The following ARSJ variants were observed in gnomAD, a reference collection of about 807,000 sequenced individuals.
ARSJ encodes the protein arylsulfatase family member J, also known as arylsulfatase J.
ARSJ carries 26 observed loss-of-function variants against 35.9 expected under a neutral mutation model. That is an observed-to-expected ratio of 0.72 (90% CI 0.53 to 1.00). The LOEUF is 1.00. Ranked by LOEUF, ARSJ falls within the 50% of genes least tolerant of loss-of-function variation. ARSJ has a pLI of 0.00. For missense variants in ARSJ, 667 were observed against 723.6 expected (o/e 0.92, Z 0.90); for synonymous variants, 294 against 267.6 (o/e 1.10, Z -0.96).
intron 1 of ARSJ, among the ~76,000 whole-genome samples, chr4:113,958,318 G>A (rs1455566062): frequency 1.3e-5 from 2 of 151,994 alleles, no homozygotes; most frequent in African/African-American, 4.8e-5. Context: ...TGAAAATTCA[G>A]TCGAATTAAG....
At chr4:113,930,496 C>T (rs1319377654) in intron 1 of ARSJ, among the ~76,000 whole-genome samples, 10 of 152,108 alleles carry the variant, frequency 6.6e-5, no homozygotes, top group East Asian at 1.9e-4. Context: ...ATTTTGTATC[C>T]TTCAATCCAA....
At chr4:113,944,573 T>C (rs1223740426) in intron 1 of ARSJ, among the ~76,000 whole-genome samples, 2 of 152,052 alleles carry the variant, frequency 1.3e-5, no homozygotes, top group Non-Finnish European at 2.9e-5. Flanking sequence ...AAGAGATAAC[T>C]GGGTTTCCTT....
intron 1 of ARSJ, chr4:113,906,586 G>A: frequency 3.3e-6 from 1 of 301,754 alleles, no homozygotes; most frequent in South Asian, 3.0e-5. Context: ...ATGAGTTCCA[G>A]CCTCTATGGT....
At chr4:113,943,603 T>C (rs1173835501) in intron 1 of ARSJ, 1 of 152,070 alleles carries the variant, frequency 6.6e-6, no homozygotes, top group South Asian at 2.1e-4. Flanking sequence ...CAGGTAGTGA[T>C]AACTGCTATG....
At chr4:113,919,825 C>A (rs1315301166) in intron 1 of ARSJ, among the ~76,000 whole-genome samples, 1 of 152,056 alleles carries the variant, frequency 6.6e-6, no homozygotes, top group African/African-American at 2.4e-5. Flanking sequence ...AGGAGAGGAA[C>A]CTGAAAGATG....
At chr4:113,935,327 T>A (rs1298302453) in intron 1 of ARSJ, among the ~76,000 whole-genome samples, 3 of 151,940 alleles carry the variant, frequency 2.0e-5, no homozygotes, top group Non-Finnish European at 4.4e-5. Context: ...CTTAGTTTGA[T>A]CTTTTCCTCA....
Position 113,907,564 on chromosome 4 carries a change from C to G in ARSJ, c.399-3889G>C, listed in dbSNP as rs1469132134. ...CTGATATGCTCTTCTCTGGCCTCCA[C>G]AAGTCTGTGGGGCAGGTAGGAGTGT... On this transcript the variant is annotated intron_variant, in intron 1 of 1. Coordinates refer to ENST00000315366, the MANE Select transcript of ARSJ (RefSeq NM_024590.4). Among the ~76,000 whole-genome samples the G allele has an allele frequency of 2.0e-5, 3 of 151,726 alleles. No homozygotes were observed. In the East Asian group the frequency reaches 5.8e-4, roughly 29 times the overall value.
intron 1 of ARSJ, among the ~76,000 whole-genome samples, chr4:113,924,923 T>C (rs1723956356): frequency 6.6e-6 from 1 of 152,044 alleles, no homozygotes; most frequent in South Asian, 2.1e-4. Flanking sequence ...CCTCAGCAGG[T>C]TGTGGTTTTT....
chr4:113,921,542 G>C (rs1328535669), intron 1 of ARSJ, among the ~76,000 whole-genome samples: 1 of 152,060 alleles, frequency 6.6e-6, no homozygotes, highest in Non-Finnish European at 1.5e-5. Flanking sequence ...CCAAGGCTCT[G>C]GGCTCTAGAT....
At chr4:113,905,009 T>G (rs1467626262) in intron 1 of ARSJ, among the ~76,000 whole-genome samples, 3 of 152,210 alleles carry the variant, frequency 2.0e-5, no homozygotes, top group Non-Finnish European at 4.4e-5. Context: ...GCATAACACT[T>G]TCTAATATGT....
chr4:113,920,727 G>T (rs930670834), intron 1 of ARSJ, among the ~76,000 whole-genome samples: 2 of 152,142 alleles, frequency 1.3e-5, no homozygotes, highest in Non-Finnish European at 2.9e-5. Flanking sequence ...GGGGACAAGA[G>T]TTCTGAGCAT....
Position 113,959,369 on chromosome 4 carries a change from C to T in ARSJ, c.398+19068G>A, listed in dbSNP as rs182543423. Among the ~76,000 whole-genome samples, 17 of 152,022 alleles carry T rather than the reference C, an allele frequency of 1.1e-4. No individual in the cohort carries two copies. In the East Asian group the frequency reaches 3.3e-3, roughly 30 times the overall value. On this transcript the variant is annotated intron_variant, in intron 1 of 1. Transcript: ENST00000315366. ...CACACACTAGATCTGACTTAGTAAA[C>T]CAATTCCTTAATAATGAGTCATCTG...
intron 1 of ARSJ, among the ~76,000 whole-genome samples, chr4:113,975,717 A>G (rs1039595969): frequency 5.3e-5 from 8 of 152,210 alleles, no homozygotes; most frequent in Non-Finnish European, 1.0e-4. Flanking sequence ...AAATGAGACA[A>G]TGCATATAAA....
At chr4:113,975,615 A>G (rs1264562168) in intron 1 of ARSJ, among the ~76,000 whole-genome samples, 1 of 152,170 alleles carries the variant, frequency 6.6e-6, no homozygotes, top group Non-Finnish European at 1.5e-5. Context: ...AGTGCATAGA[A>G]TCCCTACATC....
At chr4:113,968,062 A>G (rs955503408) in intron 1 of ARSJ, among the ~76,000 whole-genome samples, 1 of 152,162 alleles carries the variant, frequency 6.6e-6, no homozygotes, top group African/African-American at 2.4e-5. Context: ...GAGGTAACCA[A>G]GATTATCAAG....
intron 1 of ARSJ, among the ~76,000 whole-genome samples, chr4:113,949,741 A>G (rs1248527627): frequency 6.6e-6 from 1 of 152,086 alleles, no homozygotes; most frequent in East Asian, 1.9e-4. Flanking sequence ...CATGGGATAG[A>G]TATATTAGTG....
At chr4:113,948,242 T>C (rs1471397496) in intron 1 of ARSJ, among the ~76,000 whole-genome samples, 2 of 152,104 alleles carry the variant, frequency 1.3e-5, no homozygotes, top group South Asian at 2.1e-4. Flanking sequence ...AGTGGGCTTG[T>C]GAGTTATTTA....
At chr4:113,907,846 CA>C (rs1245087958) in intron 1 of ARSJ, among the ~76,000 whole-genome samples, 1 of 152,062 alleles carries the variant, frequency 6.6e-6, no homozygotes, top group Non-Finnish European at 1.5e-5. Context: ...AACAGAAAAC[CA>C]AATACCACAT....
At chr4:113,924,076 AATATATATATATAT>A (rs1164333093) in intron 1 of ARSJ, among the ~76,000 whole-genome samples, 9 of 95,734 alleles carry the variant, frequency 9.4e-5, no homozygotes, top group African/African-American at 4.3e-4. Context: ...AATATATATA[AATATATATATATAT>A]ATATATATAT....
Sources: gnomAD v4.1 joint callset for allele counts (sites outside exome capture counted in the v4.1 genomes callset) on GRCh38, gnomAD v4.1.1 for gene constraint, MANE v1.5 for transcripts, NCBI Gene and HGNC (gene_info 2026-07-23, HGNC 2026-07-21) for gene names.